SORL1: variants seen among roughly 807,000 people sequenced by gnomAD.
SORL1 encodes the protein sortilin related receptor 1, also known as sortilin-related receptor.
Under a neutral mutation model 273.7 loss-of-function variants are expected in SORL1, and 127 were observed. The ratio of observed to expected loss-of-function variants is 0.46; its 90% confidence interval spans 0.40 to 0.54. The LOEUF (loss-of-function observed/expected upper bound fraction) is 0.54. SORL1 is among the 20% of genes least tolerant of loss of function. The pLI is 0.00. For synonymous variants in SORL1, 1,031 were observed against 1,067.4 expected, an observed-to-expected ratio of 0.97 and a Z score of 0.66; for missense variants, 2,494 against 2,846.1, an observed-to-expected ratio of 0.88 and a Z score of 2.81.
At chr11:121,471,993 T>C (rs542862804) in intron 2 of SORL1, among the ~76,000 whole-genome samples, 4 of 152,262 alleles carry the variant, frequency 2.6e-5, no homozygotes, top group African/African-American at 9.6e-5. Flanking sequence ...CTGAATGCCT[T>C]TGGTGGCCGG....
chr11:121,576,104 C>T (rs67140863), intron 24 of SORL1, among the ~76,000 whole-genome samples: 1 of 152,066 alleles, frequency 6.6e-6, no homozygotes, highest in Non-Finnish European at 1.5e-5. Context: ...TGTTTTCTGA[C>T]GCTCTGTAAA....
chr11:121,566,367 T>TA (rs201001838), intron 21 of SORL1, among the ~76,000 whole-genome samples: 9,262 of 151,134 alleles, frequency 0.061, 431 homozygotes, highest in East Asian at 0.29. Context: ...TTTTTTAAAT[T>TA]AAAAAAAAAA....
Position 121,469,995 on chromosome 11 carries a change from G to T in SORL1, c.286-12G>T. 6.3e-7 allele frequency: 1 copy of T among 1,577,730 alleles called. No homozygotes were observed. Among genetic ancestry groups the T allele is most frequent in the South Asian group, 1.1e-5 (1 of 90,358 alleles). ...TATCGTGGGTCCTAATTCCTACATTGATCTCTTTCAGGTTAGTCTGAATGA... is the reference window on the plus strand; with the variant it reads ...TATCGTGGGTCCTAATTCCTACATTTATCTCTTTCAGGTTAGTCTGAATGA... On this transcript the variant is annotated splice_polypyrimidine_tract_variant and intron_variant, in intron 1 of 47. Transcript: ENST00000260197.
At chr11:121,474,850 T>TGG (rs1162305684) in intron 2 of SORL1, among the ~76,000 whole-genome samples, 1 of 152,274 alleles carries the variant, frequency 6.6e-6, no homozygotes, top group Non-Finnish European at 1.5e-5. Flanking sequence ...AACTGCACAC[T>TGG]GGCAGAGGCC....
intron 24 of SORL1, among the ~76,000 whole-genome samples, chr11:121,575,523 G>A (rs1215318435): frequency 6.6e-6 from 1 of 152,252 alleles, no homozygotes; most frequent in African/African-American, 2.4e-5. Flanking sequence ...TTGATTATGA[G>A]CAGGTGGTTT....
intron 26 of SORL1, among the ~76,000 whole-genome samples, chr11:121,585,500 T>C (rs55808921): frequency 0.056 from 7,756 of 137,530 alleles, 292 homozygotes; most frequent in East Asian, 0.22. Context: ...AAAATGTATA[T>C]ACACACACAC....
chr11:121,509,813 T>TA (rs1005143856), intron 6 of SORL1, among the ~76,000 whole-genome samples: 2 of 152,054 alleles, frequency 1.3e-5, no homozygotes, highest in Non-Finnish European at 2.9e-5. Flanking sequence ...AACACAAAAT[T>TA]AAAAAAAATC....
rs537964580 is a variant in SORL1 at position 121,480,587 on chromosome 11, A to G, written c.528+2344A>G. On this transcript the variant is annotated intron_variant, in intron 3 of 47. Transcript: ENST00000260197. ...CTGTGGTGCACAGATACCTATAGGCAGGCTCCATCTCCTCCTCCCCAGCTC... is the reference window on the plus strand; with the variant it reads ...CTGTGGTGCACAGATACCTATAGGCGGGCTCCATCTCCTCCTCCCCAGCTC... Among the ~76,000 whole-genome samples, 29 of 151,678 alleles carry G rather than the reference A, an allele frequency of 1.9e-4. No individual in the cohort carries two copies. The East Asian group carries it at 5.6e-3, about 29-fold the overall frequency.
intron 6 of SORL1, among the ~76,000 whole-genome samples, chr11:121,510,811 G>A (rs920343914): frequency 6.6e-6 from 1 of 152,178 alleles, no homozygotes; most frequent in African/African-American, 2.4e-5. Flanking sequence ...CTGAAAGGAT[G>A]CACAAGAGCT....
At chr11:121,582,477 CACAA>C (rs1863027070) in intron 25 of SORL1, among the ~76,000 whole-genome samples, 1 of 152,246 alleles carries the variant, frequency 6.6e-6, no homozygotes, top group Non-Finnish European at 1.5e-5. Context: ...AATGAACAGA[CACAA>C]ACAGCTTTCT....
chr11:121,519,697 C>T (rs1305403340), intron 8 of SORL1, among the ~76,000 whole-genome samples: 2 of 152,154 alleles, frequency 1.3e-5, no homozygotes, highest in Non-Finnish European at 2.9e-5. Context: ...GGCTGTGTAA[C>T]CCTGAGCTAG....
chr11:121,591,939 A>G lies in SORL1; in HGVS notation c.4369+783A>G, dbSNP rs149463829. Among the ~76,000 whole-genome samples the G allele has an allele frequency of 4.6e-3, 700 of 152,320 alleles. 7 individuals are homozygous for G. The highest frequency in any genetic ancestry group is 0.016 in the African/African-American group (659 of 41,578). On this transcript the variant is annotated intron_variant, in intron 31 of 47. Coordinates refer to ENST00000260197, the MANE Select transcript of SORL1 (RefSeq NM_003105.6). ...CAGAAATTCTGATTCTATGTTTTTT[A>G]TAAAACATTATAAAAATGATGTTTT...
At chr11:121,541,135 T>C (rs1862341282) in intron 12 of SORL1, among the ~76,000 whole-genome samples, 1 of 152,236 alleles carries the variant, frequency 6.6e-6, no homozygotes, top group African/African-American at 2.4e-5. Context: ...TAGTCTCCCA[T>C]TGACATTTAT....
chr11:121,611,649 T>C (rs1359280726), intron 39 of SORL1: 1 of 153,016 alleles, frequency 6.5e-6, no homozygotes, highest in African/African-American at 2.4e-5. Flanking sequence ...GACTTCATCA[T>C]TGTTACCTGT....
chr11:121,534,105 G>A lies in SORL1; in HGVS notation c.1685+1553G>A, dbSNP rs114872656. Among the ~76,000 whole-genome samples, 170 of 152,314 alleles carry A rather than the reference G, an allele frequency of 1.1e-3. 1 individual carries two copies. The highest frequency in any genetic ancestry group is 4.0e-3 in the African/African-American group (167 of 41,572). ...GCCACCCTGTAGTTGAAAGGTGGGCGACGAAACAATTGTAGTGTTTGGTAT... is the reference window on the plus strand; with the variant it reads ...GCCACCCTGTAGTTGAAAGGTGGGCAACGAAACAATTGTAGTGTTTGGTAT... On this transcript the variant is annotated intron_variant, in intron 12 of 47. Coordinates refer to ENST00000260197, the MANE Select transcript of SORL1 (RefSeq NM_003105.6).
At position 121,583,464 on chromosome 11, in the gene SORL1, A is replaced by G. The variant is rs755527925; in HGVS notation, c.3587A>G (p.Tyr1196Cys). The G allele has an allele frequency of 9.9e-6, 16 of 1,611,684 alleles. No homozygotes were observed. Among genetic ancestry groups the G allele is most frequent in the South Asian group, 2.2e-5 (2 of 90,822 alleles). The change falls in exon 26 of 48, where the codon TAT becomes TGT. Residue 1196 changes from tyrosine to cysteine, a missense_variant. By Grantham distance (194) the Tyr-to-Cys change is radical. This residue lies in a region of SORL1 where 1,609 missense variants were observed against 1,816.4 expected (regional missense o/e 0.89). Transcript: ENST00000260197. ...TCTCTCTTCTCTGTTACAGCCATCT[A>G]TCACACCTGTGAGGCCTCCAACTTC... ...WSDEANCTAI[Y>C]HTCEASNFQC... is the part of the protein sequence containing the mutation.
intron 1 of SORL1, among the ~76,000 whole-genome samples, chr11:121,467,220 C>T (rs975817423): frequency 6.6e-6 from 1 of 151,814 alleles, no homozygotes; most frequent in Non-Finnish European, 1.5e-5. Flanking sequence ...TAGTAGAGAC[C>T]GGGTTTCACC....
chr11:121,461,042 CCTGTGAAACCAGAAGTGTTTGGAAGGA>C (rs1860991955), intron 1 of SORL1, among the ~76,000 whole-genome samples: 1 of 151,946 alleles, frequency 6.6e-6, no homozygotes, highest in Non-Finnish European at 1.5e-5. Flanking sequence ...GGGTGAGTGT[CCTGTGAAACCAGAAGTGTTTGGAAGGA>C]CTTGCATGCT....
chr11:121,514,271 G>T lies in SORL1; in HGVS notation c.1161G>T (p.Glu387Asp). 1 of 1,614,218 alleles carries T rather than the reference G, an allele frequency of 6.2e-7. No homozygotes were observed. The highest frequency in any genetic ancestry group is 8.5e-7 in the Non-Finnish European group (1 of 1,180,022). ...AEGLKFSLSL[E>D]NVLYYSPGGA... Reference sequence around the variant, plus strand: ...GGCTGAAGTTCTCCCTGTCCTTGGAGAACGTGCTCTATTACAGCCCAGGAG... The same window carrying T: ...GGCTGAAGTTCTCCCTGTCCTTGGATAACGTGCTCTATTACAGCCCAGGAG... The change falls in exon 8 of 48, where the codon GAG (glutamate) becomes GAT (aspartate). Residue 387 changes from glutamate to aspartate, a missense_variant. Coordinates refer to ENST00000260197, the MANE Select transcript of SORL1 (RefSeq NM_003105.6).
Sources: allele counts gnomAD v4.1 joint callset (sites outside exome capture counted in the v4.1 genomes callset), GRCh38; gene constraint gnomAD v4.1.1; regional missense constraint gnomAD v4.1.1; transcripts MANE v1.5; gene names NCBI Gene and HGNC (gene_info 2026-07-23, HGNC 2026-07-21).